Variants in LDLRAD3 observed in about 807,000 individuals in gnomAD.
LDLRAD3 encodes low-density lipoprotein receptor class A domain-containing protein 3.
A neutral mutation model predicts 29.4 loss-of-function variants in LDLRAD3; 20 were observed. That is an observed-to-expected ratio of 0.68 (90% CI 0.48 to 0.99). The LOEUF (loss-of-function observed/expected upper bound fraction) is 0.99, where lower values mean the gene tolerates loss of function less well. LDLRAD3 is among the 50% of genes least tolerant of loss of function. The pLI, the probability that LDLRAD3 is intolerant of heterozygous loss-of-function variation, is 0.00. For missense variants in LDLRAD3, 420 were observed against 454.3 expected, an observed-to-expected ratio of 0.92 and a Z score of 0.69; for synonymous variants, 157 against 192.7, an observed-to-expected ratio of 0.81 and a Z score of 1.53.
intron 4 of LDLRAD3, among the ~76,000 whole-genome samples, chr11:36,106,967 G>T (rs776900468): frequency 6.6e-6 from 1 of 152,106 alleles, no homozygotes; most frequent in Admixed American, 6.5e-5. Context: ...TACCCTGGGC[G>T]CTGCTGGTCC....
At chr11:35,997,591 G>A in intron 1 of LDLRAD3, 1 of 278,958 alleles carries the variant, frequency 3.6e-6, no homozygotes, top group Non-Finnish European at 6.9e-6. Context: ...CCAATCTTGG[G>A]GGCCAGCACA....
Position 36,170,306 on chromosome 11 carries a change from A to ATATATATG in LDLRAD3, c.455-56773_455-56772insTGTATATA, listed in dbSNP as rs1554970609. On this transcript the variant is annotated intron_variant, in intron 4 of 5. Coordinates refer to ENST00000315571, the MANE Select transcript of LDLRAD3 (RefSeq NM_174902.4). ...TACATATATACACACATATATATAC[A>ATATATATG]TATATACGTATATATGTATATATGT... is the stretch of plus-strand genomic sequence containing the variant. Among the ~76,000 whole-genome samples, 13 of 30,126 alleles carry ATATATATG rather than the reference A, an allele frequency of 4.3e-4. 1 individual carries two copies. The highest frequency in any genetic ancestry group is 1.4e-3 in the South Asian group (1 of 718). 19.8% of individuals were successfully genotyped at this position (30,126 alleles called of 152,430 possible). A position where few individuals can be genotyped will look rare whatever the true frequency, so the allele number is the denominator to read the frequency against.
chr11:36,123,376 C>T (rs1853788451), intron 4 of LDLRAD3, among the ~76,000 whole-genome samples: 1 of 152,214 alleles, frequency 6.6e-6, no homozygotes, highest in East Asian at 1.9e-4. Context: ...CAAGCTGGTG[C>T]AGGTTTGCCC....
intron 1 of LDLRAD3, among the ~76,000 whole-genome samples, chr11:35,976,826 C>T (rs778879978): frequency 3.3e-5 from 5 of 151,906 alleles, no homozygotes; most frequent in Middle Eastern, 3.2e-3. Flanking sequence ...GCAAGGTGGA[C>T]GGTGATTTAA....
intron 4 of LDLRAD3, among the ~76,000 whole-genome samples, chr11:36,103,146 C>T (rs1015324418): frequency 6.6e-6 from 1 of 152,060 alleles, no homozygotes; most frequent in African/African-American, 2.4e-5. Context: ...CTCCTTCCCC[C>T]CAGGCCCCGG....
At chr11:36,021,854 T>C (rs985864747) in intron 1 of LDLRAD3, among the ~76,000 whole-genome samples, 2 of 152,156 alleles carry the variant, frequency 1.3e-5, no homozygotes, top group African/African-American at 4.8e-5. Flanking sequence ...TCTCACTATA[T>C]ACCCCAGGCT....
At chr11:36,107,415 T>C (rs11033431) in intron 4 of LDLRAD3, among the ~76,000 whole-genome samples, 103,378 of 151,724 alleles carry the variant, frequency 0.68, 35,611 homozygotes, top group East Asian at 0.78. Context: ...AGGCTGGTCT[T>C]GAACTCCTGA....
chr11:35,953,229 A>T (rs1851159701), intron 1 of LDLRAD3, among the ~76,000 whole-genome samples: 1 of 152,098 alleles, frequency 6.6e-6, no homozygotes, highest in Admixed American at 6.5e-5. Context: ...TGTGCAGACG[A>T]TGTTGTCTCT....
At chr11:36,199,670 C>G (rs186145723) in intron 4 of LDLRAD3, among the ~76,000 whole-genome samples, 1 of 152,344 alleles carries the variant, frequency 6.6e-6, no homozygotes, top group African/African-American at 2.4e-5. Context: ...CAGGCCTCAA[C>G]CTTCTAACAG....
intron 3 of LDLRAD3, among the ~76,000 whole-genome samples, chr11:36,093,630 G>T (rs1853316444): frequency 6.6e-6 from 1 of 152,152 alleles, no homozygotes; most frequent in South Asian, 2.1e-4. Context: ...TGCACCCCAG[G>T]TCTGCTGCTG....
At chr11:36,105,382 A>T (rs1279973665) in intron 4 of LDLRAD3, among the ~76,000 whole-genome samples, 10 of 152,216 alleles carry the variant, frequency 6.6e-5, no homozygotes, top group Admixed American at 6.5e-4. Flanking sequence ...CCCTGGCTGC[A>T]TGCAGGGATA....
intron 4 of LDLRAD3, among the ~76,000 whole-genome samples, chr11:36,141,646 A>T (rs1276989553): frequency 6.6e-6 from 1 of 152,150 alleles, no homozygotes; most frequent in Non-Finnish European, 1.5e-5. Flanking sequence ...GGAGACAGGG[A>T]TGGGTGAAGA....
At chr11:36,097,429 C>G (rs1853376726) in intron 3 of LDLRAD3, among the ~76,000 whole-genome samples, 1 of 152,190 alleles carries the variant, frequency 6.6e-6, no homozygotes, top group African/African-American at 2.4e-5. Flanking sequence ...TCCATGTGTC[C>G]CTTATGCTAC....
chr11:35,964,063 G>A (rs1851309850), intron 1 of LDLRAD3, among the ~76,000 whole-genome samples: 1 of 152,150 alleles, frequency 6.6e-6, no homozygotes, highest in Non-Finnish European at 1.5e-5. Flanking sequence ...GGCGTGGGCT[G>A]GGTCCCAGAG....
chr11:36,133,796 CA>C (rs1345285183), intron 4 of LDLRAD3, among the ~76,000 whole-genome samples: 1 of 151,982 alleles, frequency 6.6e-6, no homozygotes, highest in Non-Finnish European at 1.5e-5. Context: ...CTCAGCCTCC[CA>C]AAGTGTTGGT....
At chr11:36,008,104 C>T (rs544180728) in intron 1 of LDLRAD3, among the ~76,000 whole-genome samples, 2 of 152,248 alleles carry the variant, frequency 1.3e-5, no homozygotes, top group South Asian at 4.1e-4. Flanking sequence ...CTTGTAAAGG[C>T]TCCGGCACAT....
At chr11:36,072,480 C>T (rs1852922997) in intron 2 of LDLRAD3, among the ~76,000 whole-genome samples, 1 of 152,180 alleles carries the variant, frequency 6.6e-6, no homozygotes, top group Non-Finnish European at 1.5e-5. Context: ...TGGGGAAGAG[C>T]CTTCTATACA....
chr11:36,067,511 C>T (rs1852815501), intron 2 of LDLRAD3, among the ~76,000 whole-genome samples: 1 of 152,020 alleles, frequency 6.6e-6, no homozygotes, highest in South Asian at 2.1e-4. Context: ...TATTTAATCC[C>T]CTCAACAACT....
chr11:36,015,225 A>C (rs1467695589), intron 1 of LDLRAD3, among the ~76,000 whole-genome samples: 1 of 152,172 alleles, frequency 6.6e-6, no homozygotes, highest in East Asian at 1.9e-4. Flanking sequence ...CATTTTGGGC[A>C]TTGCAGAAAA....
Sources: allele counts gnomAD v4.1 joint callset (sites outside exome capture counted in the v4.1 genomes callset), GRCh38; gene constraint gnomAD v4.1.1; transcripts MANE v1.5; gene names NCBI Gene and HGNC (gene_info 2026-07-23, HGNC 2026-07-21).